Variants in CADM1 observed in about 807,000 individuals in gnomAD.
The protein encoded by CADM1 is cell adhesion molecule 1.
Under a neutral mutation model 53.1 loss-of-function variants are expected in CADM1, and 15 were observed. That is an observed-to-expected ratio of 0.28 (90% CI 0.19 to 0.44). The LOEUF (loss-of-function observed/expected upper bound fraction) is 0.44, where lower values mean the gene tolerates loss of function less well. Ranked by LOEUF, CADM1 falls within the 20% of genes least tolerant of loss-of-function variation. CADM1 has a pLI of 1.00. For missense variants in CADM1, 434 were observed against 611.3 expected (o/e 0.71, Z 3.06); for synonymous variants, 281 against 243.0 (o/e 1.16, Z -1.45).
At chr11:115,320,727 C>A (rs1169533511) in intron 1 of CADM1, among the ~76,000 whole-genome samples, 1 of 151,482 alleles carries the variant, frequency 6.6e-6, no homozygotes, top group Non-Finnish European at 1.5e-5. Context: ...TAAGTCAGGT[C>A]TCCAAGCAGA....
chr11:115,201,498 G>C (rs45464897), intron 8 of CADM1, among the ~76,000 whole-genome samples: 1 of 152,162 alleles, frequency 6.6e-6, no homozygotes, highest in Non-Finnish European at 1.5e-5. Context: ...GGATTTATTA[G>C]GGTATCTTAA....
At chr11:115,454,233 A>G (rs1190792115) in intron 1 of CADM1, among the ~76,000 whole-genome samples, 1 of 152,216 alleles carries the variant, frequency 6.6e-6, no homozygotes, top group African/African-American at 2.4e-5. Flanking sequence ...TGTTTACAAC[A>G]GATCTTAATT....
chr11:115,473,151 G>T (rs564091083), intron 1 of CADM1, among the ~76,000 whole-genome samples: 6 of 152,282 alleles, frequency 3.9e-5, no homozygotes, highest in African/African-American at 1.4e-4. Flanking sequence ...TTCCTCATCA[G>T]TAATCTGAGG....
chr11:115,395,318 G>A (rs1185398480), intron 1 of CADM1, among the ~76,000 whole-genome samples: 3 of 152,154 alleles, frequency 2.0e-5, no homozygotes, highest in African/African-American at 4.8e-5. Context: ...CCAGAGAACT[G>A]AAGGGGGAGA....
intron 8 of CADM1, among the ~76,000 whole-genome samples, chr11:115,208,926 A>G (rs1168186973): frequency 6.6e-6 from 1 of 152,240 alleles, no homozygotes; most frequent in Non-Finnish European, 1.5e-5. Context: ...CAGACAGTCC[A>G]AAAAGATAAA....
chr11:115,498,402 T>C (rs1316136646), intron 1 of CADM1, among the ~76,000 whole-genome samples: 1 of 152,246 alleles, frequency 6.6e-6, no homozygotes, highest in East Asian at 1.9e-4. Context: ...GGGTATCTCA[T>C]AGTCATCAAA....
intron 1 of CADM1, among the ~76,000 whole-genome samples, chr11:115,285,113 A>G (rs1943696499): frequency 1.3e-5 from 2 of 152,228 alleles, no homozygotes; most frequent in African/African-American, 4.8e-5. Context: ...TTGATCAGTC[A>G]ATGCCAAGGA....
At chr11:115,503,649 G>A (rs2135452491) in intron 1 of CADM1, among the ~76,000 whole-genome samples, 1 of 152,330 alleles carries the variant, frequency 6.6e-6, no homozygotes, top group Admixed American at 6.5e-5. Flanking sequence ...GCGGAGGGCT[G>A]CGAACGGCCG....
intron 1 of CADM1, among the ~76,000 whole-genome samples, chr11:115,479,119 C>G (rs1284605852): frequency 6.6e-6 from 1 of 152,060 alleles, no homozygotes; most frequent in African/African-American, 2.4e-5. Context: ...CATAAATCAT[C>G]TAGAAGTGGC....
chr11:115,251,348 G>C (rs1942599072), intron 1 of CADM1, among the ~76,000 whole-genome samples: 1 of 151,058 alleles, frequency 6.6e-6, no homozygotes, highest in Admixed American at 6.6e-5. Flanking sequence ...TTAAAGCTTA[G>C]AGCCGACAGG....
intron 1 of CADM1, among the ~76,000 whole-genome samples, chr11:115,331,730 G>GA (rs200310864): frequency 0.15 from 23,411 of 151,528 alleles, 2,011 homozygotes; most frequent in South Asian, 0.3. Flanking sequence ...TACCTGTAAG[G>GA]AAAAAAAATG....
At chr11:115,319,047 G>C (rs1473993144) in intron 1 of CADM1, among the ~76,000 whole-genome samples, 1 of 152,034 alleles carries the variant, frequency 6.6e-6, no homozygotes, top group African/African-American at 2.4e-5. Context: ...ATTTTTTATA[G>C]ACAAGAATGC....
intron 1 of CADM1, among the ~76,000 whole-genome samples, chr11:115,326,521 C>A (rs1360795314): frequency 6.6e-6 from 1 of 152,158 alleles, no homozygotes; most frequent in Non-Finnish European, 1.5e-5. Flanking sequence ...AATATCTTCT[C>A]AAACCTTATA....
intron 1 of CADM1, among the ~76,000 whole-genome samples, chr11:115,469,698 GTCTC>G (rs1948970199): frequency 9.0e-6 from 1 of 110,508 alleles, no homozygotes; most frequent in Non-Finnish European, 1.7e-5. Flanking sequence ...TCGAGACAGA[GTCTC>G]TCTCTGTTGC....
intron 1 of CADM1, among the ~76,000 whole-genome samples, chr11:115,360,356 G>A (rs540875438): frequency 7.2e-5 from 11 of 152,212 alleles, no homozygotes; most frequent in Admixed American, 1.3e-4. Context: ...TAGATGAAAC[G>A]GTGCATTTGC....
intron 1 of CADM1, among the ~76,000 whole-genome samples, chr11:115,283,388 C>T (rs1007439631): frequency 2.0e-5 from 3 of 152,072 alleles, no homozygotes; most frequent in Non-Finnish European, 4.4e-5. Context: ...AGTTCACTGC[C>T]CCTAAGCAAA....
chr11:115,289,136 G>A (rs545353066), intron 1 of CADM1, among the ~76,000 whole-genome samples: 87 of 152,230 alleles, frequency 5.7e-4, no homozygotes, highest in Non-Finnish European at 1.0e-3. Context: ...AGGCCGAGGC[G>A]GGCAGATCAC....
intron 1 of CADM1, among the ~76,000 whole-genome samples, chr11:115,471,589 G>C (rs1052296464): frequency 2.0e-5 from 3 of 152,176 alleles, no homozygotes; most frequent in Admixed American, 1.3e-4. Flanking sequence ...TGACCCCAAA[G>C]GCTTGTTACA....
intron 1 of CADM1, among the ~76,000 whole-genome samples, chr11:115,248,588 G>T (rs1289642530): frequency 2.0e-5 from 3 of 152,174 alleles, no homozygotes; most frequent in Non-Finnish European, 4.4e-5. Context: ...AACCATAAAA[G>T]ATAATAATAA....
Sources: allele counts gnomAD v4.1 joint callset (sites outside exome capture counted in the v4.1 genomes callset), GRCh38; gene constraint gnomAD v4.1.1; transcripts MANE v1.5; gene names NCBI Gene and HGNC (gene_info 2026-07-23, HGNC 2026-07-21).